The following PPP2R2B variants were observed in gnomAD, a reference collection of about 807,000 sequenced individuals.
PPP2R2B encodes the protein protein phosphatase 2 regulatory subunit Bbeta, also known as serine/threonine-protein phosphatase 2A 55 kDa regulatory subunit B beta isoform.
In PPP2R2B, 5 loss-of-function variants were observed where a neutral mutation model predicts 46.0. The observed-to-expected ratio is 0.11, with a 90% CI of 0.06 to 0.23. The LOEUF is 0.23. PPP2R2B is among the 10% of genes least tolerant of loss of function. PPP2R2B has a pLI of 1.00. For synonymous variants in PPP2R2B, 215 were observed against 206.7 expected (o/e 1.04, Z -0.34); for missense variants, 367 against 575.0 (o/e 0.64, Z 3.70).
At chr5:146,827,325 A>T (rs1758643794) in intron 2 of PPP2R2B, among the ~76,000 whole-genome samples, 1 of 152,216 alleles carries the variant, frequency 6.6e-6, no homozygotes, top group African/African-American at 2.4e-5. Context: ...TTGTGTTTGT[A>T]AATTCTGTTC....
chr5:146,595,286 C>T (rs1003774814), intron 8 of PPP2R2B, among the ~76,000 whole-genome samples: 1 of 152,270 alleles, frequency 6.6e-6, no homozygotes, highest in Non-Finnish European at 1.5e-5. Flanking sequence ...CATTCACCTT[C>T]ACTAGGGGGC....
At chr5:146,917,250 G>A (rs1763423772) in intron 1 of PPP2R2B, among the ~76,000 whole-genome samples, 1 of 152,220 alleles carries the variant, frequency 6.6e-6, no homozygotes, top group African/African-American at 2.4e-5. Context: ...GGCTGTCTTT[G>A]CTGTGCACTA....
chr5:146,619,081 G>A (rs1773456037), intron 7 of PPP2R2B, among the ~76,000 whole-genome samples: 2 of 152,016 alleles, frequency 1.3e-5, no homozygotes. Context: ...ATGCTCCATT[G>A]AGGTCTGACC....
chr5:146,741,335 C>T (rs1752864658), intron 2 of PPP2R2B, among the ~76,000 whole-genome samples: 1 of 152,042 alleles, frequency 6.6e-6, no homozygotes, highest in African/African-American at 2.4e-5. Context: ...TTTTTTTCAC[C>T]TTCTAAAACA....
At chr5:146,799,469 G>T (rs980565401) in intron 2 of PPP2R2B, among the ~76,000 whole-genome samples, 2 of 152,180 alleles carry the variant, frequency 1.3e-5, no homozygotes, top group Non-Finnish European at 2.9e-5. Context: ...AAAATATACA[G>T]TTTTGTAAGG....
At chr5:146,794,824 GTTTTA>G (rs1756423296) in intron 2 of PPP2R2B, among the ~76,000 whole-genome samples, 1 of 152,120 alleles carries the variant, frequency 6.6e-6, no homozygotes, top group Admixed American at 6.6e-5. Flanking sequence ...ATATGGTGCA[GTTTTA>G]TTTTAAGAAT....
chr5:146,845,827 C>A (rs888048920), intron 2 of PPP2R2B, among the ~76,000 whole-genome samples: 1 of 152,114 alleles, frequency 6.6e-6, no homozygotes, highest in African/African-American at 2.4e-5. Flanking sequence ...AAAAAGAATT[C>A]CTCCAGCAAG....
At chr5:146,792,954 T>C (rs1756300050) in intron 2 of PPP2R2B, among the ~76,000 whole-genome samples, 1 of 152,132 alleles carries the variant, frequency 6.6e-6, no homozygotes, top group African/African-American at 2.4e-5. Flanking sequence ...TAATTTTTTA[T>C]AGGAATCAAT....
chr5:146,690,489 C>G (rs1329384795), intron 5 of PPP2R2B, among the ~76,000 whole-genome samples: 7 of 152,180 alleles, frequency 4.6e-5, no homozygotes, highest in Non-Finnish European at 8.8e-5. Context: ...TACAAATCCT[C>G]TTTATCAGGC....
chr5:146,904,499 T>G (rs137858291), intron 1 of PPP2R2B, among the ~76,000 whole-genome samples: 1 of 152,254 alleles, frequency 6.6e-6, no homozygotes, highest in East Asian at 1.9e-4. Context: ...TGTAGAAAAT[T>G]CCACAGGCAG....
intron 7 of PPP2R2B, among the ~76,000 whole-genome samples, chr5:146,636,938 T>C (rs1774869425): frequency 6.6e-6 from 1 of 152,220 alleles, no homozygotes; most frequent in Admixed American, 6.5e-5. Flanking sequence ...AACCAAATCC[T>C]ACTTGTACTT....
chr5:146,943,113 A>G (rs1044575650), intron 1 of PPP2R2B, among the ~76,000 whole-genome samples: 8 of 152,086 alleles, frequency 5.3e-5, no homozygotes, highest in Non-Finnish European at 1.0e-4. Context: ...CATAATTTTA[A>G]TCTAGTATTT....
chr5:146,615,953 A>G (rs1243558435), intron 7 of PPP2R2B, among the ~76,000 whole-genome samples: 1 of 152,214 alleles, frequency 6.6e-6, no homozygotes, highest in East Asian at 1.9e-4. Context: ...GCAAAAAACA[A>G]AACTGGAGGA....
intron 2 of PPP2R2B, among the ~76,000 whole-genome samples, chr5:147,070,314 T>A (rs1335925321): frequency 6.6e-6 from 1 of 152,182 alleles, no homozygotes; most frequent in African/African-American, 2.4e-5. Flanking sequence ...CAAATTGGTA[T>A]AAAGTTATTT....
rs188662972 is a variant in PPP2R2B at position 146,788,836 on chromosome 5, G to A, written c.71-87694C>T. 1.1e-4 allele frequency among the ~76,000 whole-genome samples: 17 copies of A among 152,240 alleles called. No individual in the cohort carries two copies. The East Asian group carries it at 3.1e-3, about 28-fold the overall frequency. ...CAACAGAAACAAAACTCTCTGCCTT[G>A]GGGTTTTGACTCACACAGACCTCTA... On this transcript the variant is annotated intron_variant, in intron 2 of 9. Transcript: ENST00000394411.
chr5:146,689,272 G>A (rs527670345), intron 5 of PPP2R2B, among the ~76,000 whole-genome samples: 9 of 152,142 alleles, frequency 5.9e-5, no homozygotes, highest in Non-Finnish European at 8.8e-5. Flanking sequence ...CATCATCCCC[G>A]TTATATAGAT....
At chr5:146,956,511 G>A (rs891549338) in intron 1 of PPP2R2B, among the ~76,000 whole-genome samples, 11 of 152,152 alleles carry the variant, frequency 7.2e-5, no homozygotes, top group Non-Finnish European at 1.6e-4. Context: ...AATAACCCAG[G>A]ATATTGTCAT....
intron 2 of PPP2R2B, among the ~76,000 whole-genome samples, chr5:146,870,731 G>A (rs909098967): frequency 2.1e-4 from 32 of 152,174 alleles, no homozygotes; most frequent in African/African-American, 7.2e-4. Context: ...GTTCATAAGG[G>A]CCCCTCTAGA....
At chr5:147,027,797 T>C (rs541892834) in intron 1 of PPP2R2B, among the ~76,000 whole-genome samples, 30 of 152,304 alleles carry the variant, frequency 2.0e-4, no homozygotes, top group African/African-American at 7.2e-4. Context: ...CTCTTTAAAA[T>C]GGGTGCATTT....
Sources: allele counts gnomAD v4.1 joint callset (sites outside exome capture counted in the v4.1 genomes callset), GRCh38; gene constraint gnomAD v4.1.1; transcripts MANE v1.5; gene names NCBI Gene and HGNC (gene_info 2026-07-23, HGNC 2026-07-21).